SRSF10: variants seen among roughly 807,000 people sequenced by gnomAD.
SRSF10 encodes serine/arginine-rich splicing factor 10.
In SRSF10, 9 loss-of-function variants were observed where a neutral mutation model predicts 32.6. The observed-to-expected ratio is 0.28, with a 90% CI of 0.17 to 0.48. The LOEUF (loss-of-function observed/expected upper bound fraction) is 0.48. Ranked by LOEUF, SRSF10 falls within the 20% of genes least tolerant of loss-of-function variation. SRSF10 has a pLI of 0.99. For synonymous variants in SRSF10, 105 were observed against 112.4 expected, an observed-to-expected ratio of 0.93 and a Z score of 0.42; for missense variants, 201 against 331.8, an observed-to-expected ratio of 0.61 and a Z score of 3.06.
At chr1:23,977,339 A>C (rs1642153869) in intron 2 of SRSF10, 1 of 152,228 alleles carries the variant, frequency 6.6e-6, no homozygotes, top group Admixed American at 6.5e-5. Context: ...GTCAGGGACC[A>C]GTCTCCCATA....
At position 23,971,224 on chromosome 1, in the gene SRSF10, T is replaced by C; in HGVS notation, c.707A>G (p.Lys236Arg). 6.2e-7 allele frequency: 1 copy of C among 1,614,142 alleles called. No homozygotes were observed. The highest frequency in any genetic ancestry group is 2.2e-5 in the East Asian group (1 of 44,870). The stretch of plus-strand genomic sequence containing the variant: ...CCTAGACTGTGATCTTGACTGAGAT[T>C]TGGATCTAGGTGGTTCTTTTTTCCT... ...ESRKKEPPRSKSQSRSQSRSR... is the reference protein window; with the variant it reads ...ESRKKEPPRSRSQSRSQSRSR... The change falls in exon 6 of 6, where the codon AAA becomes AGA. Residue 236 changes from lysine (K) to arginine (R), a missense_variant. Coordinates refer to ENST00000492112, the MANE Select transcript of SRSF10 (RefSeq NM_054016.4).
chr1:23,975,856 G>C (rs1009366420), intron 2 of SRSF10: 1 of 152,208 alleles, frequency 6.6e-6, no homozygotes, highest in Non-Finnish European at 1.5e-5. Context: ...ATGGGTTTGA[G>C]ACTGGTTTCC....
chr1:23,965,632 T>C lies in SRSF10; in HGVS notation c.*5510A>G, dbSNP rs918905876. 14 of 152,068 alleles carry C rather than the reference T, an allele frequency of 9.2e-5. No individual in the cohort carries two copies. Among genetic ancestry groups the C allele is most frequent in the African/African-American group, 2.6e-4 (11 of 41,552 alleles). The allele number at this position is 152,068 out of a possible 1,614,324, so 9.4% of individuals were successfully genotyped here. On this transcript the variant is annotated 3_prime_UTR_variant, in exon 6 of 6. Transcript: ENST00000492112. Reference sequence around the variant, plus strand: ...TCGGCACAGTAAGTGCTCAATAATATTGACAGCATTCAGTATAGAGAGAAA... The same window carrying C: ...TCGGCACAGTAAGTGCTCAATAATACTGACAGCATTCAGTATAGAGAGAAA...
Position 23,967,507 on chromosome 1 carries a change from A to C in SRSF10, c.*3635T>G, listed in dbSNP as rs1641509979. On this transcript the variant is annotated 3_prime_UTR_variant, in exon 6 of 6. Coordinates refer to ENST00000492112, the MANE Select transcript of SRSF10 (RefSeq NM_054016.4). ...ATTTGTCCTAAAATGCTTACTTTCA[A>C]ACTTGAAGGGACTTCAATTATTCCA... 1 of 502,900 alleles carries C rather than the reference A, an allele frequency of 2.0e-6. No homozygotes were observed. Among genetic ancestry groups the C allele is most frequent in the Admixed American group, 3.3e-5 (1 of 30,206 alleles). 31.2% of individuals were successfully genotyped at this position (502,900 alleles called of 1,614,324 possible). A position where few individuals can be genotyped will look rare whatever the true frequency, so the allele number is the denominator to read the frequency against.
intron 3 of SRSF10, 147 bp from the exon 4 acceptor site, chr1:23,972,159 A>AAAGTAGTGGGAT: frequency 1.6e-6 from 1 of 631,550 alleles, no homozygotes; most frequent in Non-Finnish European, 2.4e-6. Flanking sequence ...CTGTGATCCC[A>AAAGTAGTGGGAT]CTACTTTGGG....
rs1401557678 is a variant in SRSF10 at position 23,969,735 on chromosome 1, A to C, written c.*1407T>G. 1 of 985,282 alleles carries C rather than the reference A, an allele frequency of 1.0e-6. No individual in the cohort carries two copies. The highest frequency in any genetic ancestry group is 1.2e-6 in the Non-Finnish European group (1 of 829,892). 61.0% of individuals were successfully genotyped at this position (985,282 alleles called of 1,614,324 possible). A position where few individuals can be genotyped will look rare whatever the true frequency, so the allele number is the denominator to read the frequency against. The stretch of plus-strand genomic sequence containing the variant: ...AAATACTAGAAATTATAAATGGTTT[A>C]AGGGTATTACTTCATTTTTAGTCAG... On this transcript the variant is annotated 3_prime_UTR_variant, in exon 6 of 6. Transcript: ENST00000492112.
At chr1:23,975,290 G>C (rs1642019510) in intron 2 of SRSF10, 1 of 520,502 alleles carries the variant, frequency 1.9e-6, no homozygotes, top group Non-Finnish European at 3.4e-6. Flanking sequence ...ATTTGAAAAT[G>C]TATGAATACA....
Position 23,970,018 on chromosome 1 carries a change from C to A in SRSF10, c.*1124G>T. The stretch of plus-strand genomic sequence containing the variant: ...TTTCAGTTCTTTTACACTAGGCACA[C>A]ACACACAAAACCTACTTTGAAACAA... On this transcript the variant is annotated 3_prime_UTR_variant, in exon 6 of 6. Transcript: ENST00000492112. 2 of 985,444 alleles carry A rather than the reference C, an allele frequency of 2.0e-6. No individual in the cohort carries two copies. The highest frequency in any genetic ancestry group is 2.4e-6 in the Non-Finnish European group (2 of 829,940). The allele number at this position is 985,444 out of a possible 1,614,324, so 61.0% of individuals were successfully genotyped here. A position where few individuals can be genotyped will look rare whatever the true frequency, so the allele number is the denominator to read the frequency against.
intron 2 of SRSF10, 89 bp from the exon 3 acceptor site, chr1:23,975,166 C>T (rs1296675716): frequency 9.7e-7 from 1 of 1,031,078 alleles, no homozygotes; most frequent in Non-Finnish European, 1.5e-6. Flanking sequence ...TTCACAATCT[C>T]CCAATATTAT....
chr1:23,971,812 T>G (rs1324513833), intron 4 of SRSF10, 38 bp downstream of exon 4: 2 of 1,570,192 alleles, frequency 1.3e-6, no homozygotes, highest in Non-Finnish European at 1.7e-6. Flanking sequence ...AACAAATACA[T>G]TTTTTAAACA....
intron 2 of SRSF10, chr1:23,978,368 TAAC>T (rs1216199712): frequency 2.1e-6 from 2 of 935,468 alleles, no homozygotes; most frequent in South Asian, 9.2e-5. Flanking sequence ...TGATTCAAAT[TAAC>T]AAACAAGAAT....
Position 23,970,087 on chromosome 1 carries a change from T to A in SRSF10, c.*1055A>T, listed in dbSNP as rs1311715147. The A allele has an allele frequency of 1.2e-5, 12 of 985,318 alleles. No homozygotes were observed. The highest frequency in any genetic ancestry group is 1.3e-5 in the Non-Finnish European group (11 of 829,932). 61.0% of individuals were successfully genotyped at this position (985,318 alleles called of 1,614,324 possible). On this transcript the variant is annotated 3_prime_UTR_variant, in exon 6 of 6. Coordinates refer to ENST00000492112, the MANE Select transcript of SRSF10 (RefSeq NM_054016.4). ...GTAAGAAAACTAAGCAATATTATGG[T>A]CAACAACGCTCCTTAAACTTTAGAA...
At chr1:23,977,747 A>G (rs894715764) in intron 2 of SRSF10, 2 of 297,540 alleles carry the variant, frequency 6.7e-6, no homozygotes, top group Non-Finnish European at 9.9e-6. Flanking sequence ...CTTTAACTTC[A>G]TAAGAGAGAG....
Position 23,967,753 on chromosome 1 carries a change from T to C in SRSF10, c.*3389A>G. On this transcript the variant is annotated 3_prime_UTR_variant, in exon 6 of 6. Transcript: ENST00000492112. ...AATAAAAGAAGGATGTTTGTCAGTT[T>C]GGTTTCCTTTATTCTTCTCTGTGGT... is the stretch of plus-strand genomic sequence containing the variant. The C allele has an allele frequency of 6.2e-7, 1 of 1,611,286 alleles. No individual in the cohort carries two copies. Among genetic ancestry groups the C allele is most frequent in the Non-Finnish European group, 8.5e-7 (1 of 1,178,028 alleles).
intron 2 of SRSF10, chr1:23,978,077 G>A: frequency 1.0e-6 from 1 of 985,316 alleles, no homozygotes; most frequent in Non-Finnish European, 1.2e-6. Context: ...TAGATAAAGC[G>A]AGGCTTTGTC....
intron 3 of SRSF10, 100 bp downstream of exon 3, chr1:23,974,874 T>C (rs1641992907): frequency 1.2e-6 from 1 of 868,212 alleles, no homozygotes; most frequent in Non-Finnish European, 1.9e-6. Flanking sequence ...AAGATCCCTT[T>C]GGGTTTTGAA....
Position 23,970,084 on chromosome 1 carries a change from T to C in SRSF10, c.*1058A>G. 1.0e-6 allele frequency: 1 copy of C among 985,438 alleles called. No homozygotes were observed. Among genetic ancestry groups the C allele is most frequent in the South Asian group, 4.7e-5 (1 of 21,288 alleles). 61.0% of individuals were successfully genotyped at this position (985,438 alleles called of 1,614,324 possible). On this transcript the variant is annotated 3_prime_UTR_variant, in exon 6 of 6. Transcript: ENST00000492112. ...GCAGTAAGAAAACTAAGCAATATTA[T>C]GGTCAACAACGCTCCTTAAACTTTA...
At position 23,967,543 on chromosome 1, in the gene SRSF10, G is replaced by A. The variant is rs1174559357; in HGVS notation, c.*3599C>T. On this transcript the variant is annotated 3_prime_UTR_variant, in exon 6 of 6. Coordinates refer to ENST00000492112, the MANE Select transcript of SRSF10 (RefSeq NM_054016.4). ...ACTTCAATTATTCCATGTAGTTTTCGATAACATTCTTTTATCTTTTCAGAC... is the reference window on the plus strand; with the variant it reads ...ACTTCAATTATTCCATGTAGTTTTCAATAACATTCTTTTATCTTTTCAGAC... 3.3e-4 allele frequency: 193 copies of A among 582,816 alleles called. No homozygotes were observed. The East Asian group carries it at 4.1e-3, about 13-fold the overall frequency. The allele number at this position is 582,816 out of a possible 1,614,324, so 36.1% of individuals were successfully genotyped here.
At chr1:23,973,516 T>TCA (rs2148504143) in intron 3 of SRSF10, among the ~76,000 whole-genome samples, 1 of 152,146 alleles carries the variant, frequency 6.6e-6, no homozygotes, top group East Asian at 1.9e-4. Context: ...AGATGGGGTC[T>TCA]CACTTTGTTG....
Sources: gnomAD v4.1 joint callset for allele counts (sites outside exome capture counted in the v4.1 genomes callset) on GRCh38, gnomAD v4.1.1 for gene constraint, MANE v1.5 for transcripts, NCBI Gene and HGNC (gene_info 2026-07-23, HGNC 2026-07-21) for gene names.